RGS6: variants seen among roughly 807,000 people sequenced by gnomAD.
RGS6 encodes regulator of G protein signaling 6, also known as regulator of G-protein signaling 6.
A neutral mutation model predicts 78.5 loss-of-function variants in RGS6; 30 were observed. The observed-to-expected ratio is 0.38, with a 90% CI of 0.29 to 0.52. RGS6 has a LOEUF of 0.52. Among genes scored for constraint, RGS6 ranks in the 20% least tolerant of loss-of-function variants. RGS6 has a pLI of 0.85. For missense variants in RGS6, 495 were observed against 609.7 expected, an observed-to-expected ratio of 0.81 and a Z score of 1.98; for synonymous variants, 206 against 206.0, an observed-to-expected ratio of 1.00 and a Z score of 0.00.
At chr14:72,162,803 C>T (rs552851194) in intron 2 of RGS6, among the ~76,000 whole-genome samples, 151 of 151,844 alleles carry the variant, frequency 9.9e-4, no homozygotes, top group Non-Finnish European at 1.8e-3. Context: ...TATATATATA[C>T]ACACACACAC....
intron 2 of RGS6, among the ~76,000 whole-genome samples, chr14:72,027,710 T>C (rs1596302415): frequency 6.6e-6 from 1 of 152,268 alleles, no homozygotes; most frequent in African/African-American, 2.4e-5. Flanking sequence ...CAAGACAGAG[T>C]GGAGTTGGTC....
rs748849849 is a variant in RGS6, at chr14:71,964,803, A to G, written c.12A>G (p.Gly4=). ...TGAAGACACTCAGGATGGCTCAAGG[A>G]TCCGGGGATCAAAGAGCAGTGGGGG... MAQ[G]SGDQRAVGVA... Residue 4 remains glycine, a synonymous_variant, in exon 2 of 18, where the codon GGA becomes GGG. Coordinates refer to ENST00000553525, the MANE Select transcript of RGS6 (RefSeq NM_001204424.2). The G allele has an allele frequency of 6.2e-7, 1 of 1,613,566 alleles. No homozygotes were observed. Among genetic ancestry groups the G allele is most frequent in the South Asian group, 1.1e-5 (1 of 90,968 alleles).
chr14:71,873,390 C>A, the RGS6 span, among the ~76,000 whole-genome samples: 34 of 152,236 alleles, frequency 2.2e-4, no homozygotes, highest in African/African-American at 7.7e-4. Flanking sequence ...CTCTGATGAC[C>A]AGTGATGATG....
chr14:71,978,009 T>A (rs1337688355), intron 2 of RGS6, among the ~76,000 whole-genome samples: 2 of 151,678 alleles, frequency 1.3e-5, no homozygotes, highest in South Asian at 2.1e-4. Flanking sequence ...CTAGGTATTT[T>A]ATTCTCTTTG....
chr14:72,601,713 C>A, the RGS6 span, among the ~76,000 whole-genome samples: 2 of 152,310 alleles, frequency 1.3e-5, no homozygotes, highest in East Asian at 1.9e-4. Context: ...TAAATATGTA[C>A]AATTATTGTG....
intron 2 of RGS6, among the ~76,000 whole-genome samples, chr14:72,247,718 C>T (rs1032753815): frequency 2.0e-5 from 3 of 152,154 alleles, no homozygotes; most frequent in African/African-American, 7.2e-5. Flanking sequence ...GGATTAATGC[C>T]ATTATCTTGG....
chr14:72,562,676 G>A lies in RGS6; in HGVS notation c.*209G>A, dbSNP rs2153557256. Reference sequence around the variant, plus strand: ...GTCCACAGAGCCTGGGCTGGGCCCGGTGGAGGCTCCTGTTTACAGCCCTCT... The same window carrying A: ...GTCCACAGAGCCTGGGCTGGGCCCGATGGAGGCTCCTGTTTACAGCCCTCT... On this transcript the variant is annotated 3_prime_UTR_variant, in exon 18 of 18. Transcript: ENST00000553525. The A allele has an allele frequency of 2.6e-6, 4 of 1,536,192 alleles. No individual in the cohort carries two copies. The highest frequency in any genetic ancestry group is 3.5e-6 in the Non-Finnish European group (4 of 1,146,920).
the RGS6 span, among the ~76,000 whole-genome samples, chr14:72,611,323 T>C: frequency 0.011 from 1,720 of 152,276 alleles, 45 homozygotes; most frequent in East Asian, 0.11. Flanking sequence ...CACAAACAAC[T>C]GAGAGTCTAA....
rs190398168 is a variant in RGS6 at position 72,278,608 on chromosome 14, A to C, written c.85-73487A>C. On this transcript the variant is annotated intron_variant, in intron 2 of 17. Coordinates refer to ENST00000553525, the MANE Select transcript of RGS6 (RefSeq NM_001204424.2). The stretch of plus-strand genomic sequence containing the variant: ...TATATAGCCACGTACATACATATAC[A>C]TTTATATATGTTTTATATACTTAGA... Among the ~76,000 whole-genome samples the C allele has an allele frequency of 1.5e-3, 224 of 152,308 alleles. 1 individual carries two copies. Among genetic ancestry groups the C allele is most frequent in the Admixed American group, 3.8e-3 (58 of 15,292 alleles).
downstream of RGS6, among the ~76,000 whole-genome samples, chr14:72,571,501 A>C (rs550517058): frequency 1.1e-3 from 167 of 152,334 alleles, no homozygotes; most frequent in African/African-American, 3.7e-3. Context: ...AAGAATTGAG[A>C]GTCTAGAAAT....
rs79594269 is a variant in RGS6, at chr14:72,552,964, C to T, written c.1423-9453C>T. Reference sequence around the variant, plus strand: ...ATAGAAAACTCTACAGCCAAACAAGCGATTGCCTGTGCACCTTGCATGAGA... The same window carrying T: ...ATAGAAAACTCTACAGCCAAACAAGTGATTGCCTGTGCACCTTGCATGAGA... On this transcript the variant is annotated intron_variant, in intron 17 of 17. Transcript: ENST00000553525. Among the ~76,000 whole-genome samples, 110 of 152,312 alleles carry T rather than the reference C, an allele frequency of 7.2e-4. No homozygotes were observed. In the East Asian group the frequency reaches 0.017, roughly 24 times the overall value.
rs1415741159 is a variant in RGS6 at position 72,132,520 on chromosome 14, C to A, written c.84+167645C>A. On this transcript the variant is annotated intron_variant, in intron 2 of 17. Coordinates refer to ENST00000553525, the MANE Select transcript of RGS6 (RefSeq NM_001204424.2). ...TCTCAAACTCCTGACCTCAAGTGAT[C>A]CACCCACCTTGGCCTCCCAAAGTGC... Among the ~76,000 whole-genome samples, 6 of 152,236 alleles carry A rather than the reference C, an allele frequency of 3.9e-5. No homozygotes were observed. In the South Asian group the frequency reaches 6.2e-4, roughly 16 times the overall value.
intron 1 of RGS6, among the ~76,000 whole-genome samples, chr14:71,958,807 T>C (rs941072460): frequency 1.3e-5 from 2 of 152,164 alleles, no homozygotes; most frequent in African/African-American, 4.8e-5. Context: ...ATGGTTAATC[T>C]GTAAATCTCC....
At chr14:71,999,074 A>C (rs1192260495) in intron 2 of RGS6, among the ~76,000 whole-genome samples, 1 of 152,110 alleles carries the variant, frequency 6.6e-6, no homozygotes, top group African/African-American at 2.4e-5. Flanking sequence ...CTAAAAAATA[A>C]TAATGATAAA....
At chr14:72,347,024 G>T (rs1031525266) in intron 2 of RGS6, among the ~76,000 whole-genome samples, 1 of 152,180 alleles carries the variant, frequency 6.6e-6, no homozygotes, top group Non-Finnish European at 1.5e-5. Context: ...CGTGGCTGTG[G>T]CCCATCCAGG....
At chr14:72,418,073 C>T (rs986144858) in intron 3 of RGS6, among the ~76,000 whole-genome samples, 2 of 152,074 alleles carry the variant, frequency 1.3e-5, no homozygotes, top group African/African-American at 4.8e-5. Context: ...ACATACATGC[C>T]AAAAGCCACG....
intron 3 of RGS6, among the ~76,000 whole-genome samples, chr14:72,426,987 A>T (rs1431673657): frequency 6.6e-6 from 1 of 152,202 alleles, no homozygotes; most frequent in Non-Finnish European, 1.5e-5. Context: ...TGCTGTGAGG[A>T]AGCCCAAGCA....
At chr14:72,428,573 A>T (rs1353155803) in intron 3 of RGS6, among the ~76,000 whole-genome samples, 1 of 152,196 alleles carries the variant, frequency 6.6e-6, no homozygotes, top group African/African-American at 2.4e-5. Context: ...GTGTACAGGC[A>T]TTCAGTGCAG....
Position 72,049,318 on chromosome 14 carries a change from AT to A in RGS6, c.84+84444del, listed in dbSNP as rs574635295. Among the ~76,000 whole-genome samples, 646 of 152,334 alleles carry A rather than the reference AT, an allele frequency of 4.2e-3. 7 individuals are homozygous for A. Among genetic ancestry groups the A allele is most frequent in the African/African-American group, 0.015 (616 of 41,562 alleles). ...AATTTGGAAACTGCCACCTTTTGGAATACAGAAGAGCTGGTTATGGGATTGG... is the reference window on the plus strand; with the variant it reads ...AATTTGGAAACTGCCACCTTTTGGAAACAGAAGAGCTGGTTATGGGATTGG... On this transcript the variant is annotated intron_variant, in intron 2 of 17. Coordinates refer to ENST00000553525, the MANE Select transcript of RGS6 (RefSeq NM_001204424.2).
Sources: allele counts gnomAD v4.1 joint callset (sites outside exome capture counted in the v4.1 genomes callset), GRCh38; gene constraint gnomAD v4.1.1; transcripts MANE v1.5; gene names NCBI Gene and HGNC (gene_info 2026-07-23, HGNC 2026-07-21).